The following HPSE2 variants were observed in gnomAD, a reference collection of about 807,000 sequenced individuals.
HPSE2 encodes the protein inactive heparanase-2.
Under a neutral mutation model 60.5 loss-of-function variants are expected in HPSE2, and 38 were observed. The observed-to-expected ratio is 0.63, with a 90% CI of 0.48 to 0.82. The LOEUF is 0.82. Ranked by LOEUF, HPSE2 falls within the 40% of genes least tolerant of loss-of-function variation. The pLI is 0.00. For synonymous variants in HPSE2, 295 were observed against 293.2 expected (o/e 1.01, Z -0.06); for missense variants, 713 against 740.4 (o/e 0.96, Z 0.43).
chr10:98,863,518 T>C (rs570687091), intron 3 of HPSE2, among the ~76,000 whole-genome samples: 127 of 152,280 alleles, frequency 8.3e-4, no homozygotes, highest in Non-Finnish European at 1.6e-3. Flanking sequence ...CTACCCACCC[T>C]GTCCAATGCC....
At chr10:98,538,991 C>T (rs1023321064) in intron 9 of HPSE2, among the ~76,000 whole-genome samples, 4 of 152,158 alleles carry the variant, frequency 2.6e-5, no homozygotes, top group African/African-American at 4.8e-5. Context: ...TAGCCAGCAA[C>T]GTAGGCTGGT....
At chr10:99,273,738 G>A in the HPSE2 span, among the ~76,000 whole-genome samples, 833 of 152,270 alleles carry the variant, frequency 5.5e-3, 6 homozygotes, top group African/African-American at 0.019. Flanking sequence ...GATGATGGAT[G>A]GAAAGATGGA....
At chr10:99,125,082 G>C (rs956719696) in intron 3 of HPSE2, among the ~76,000 whole-genome samples, 1 of 152,156 alleles carries the variant, frequency 6.6e-6, no homozygotes, top group East Asian at 1.9e-4. Context: ...AAGTTGAATC[G>C]GGGTATTTTG....
intron 3 of HPSE2, among the ~76,000 whole-genome samples, chr10:98,822,601 TAA>T (rs1951449587): frequency 6.6e-6 from 1 of 152,042 alleles, no homozygotes; most frequent in Non-Finnish European, 1.5e-5. Context: ...GGAAATGGAT[TAA>T]GAATTCCAAT....
intron 3 of HPSE2, among the ~76,000 whole-genome samples, chr10:98,837,613 G>A (rs1026348347): frequency 2.0e-5 from 3 of 152,148 alleles, no homozygotes; most frequent in African/African-American, 4.8e-5. Context: ...GGTGGCTCAC[G>A]CCTGTAATCC....
At chr10:98,541,293 G>A (rs543373847) in intron 9 of HPSE2, among the ~76,000 whole-genome samples, 47 of 152,076 alleles carry the variant, frequency 3.1e-4, no homozygotes, top group Non-Finnish European at 5.3e-4. Context: ...TTAAAACATC[G>A]CAATTGCCTT....
At chr10:99,243,245 C>T in the HPSE2 span, among the ~76,000 whole-genome samples, 15 of 151,650 alleles carry the variant, frequency 9.9e-5, no homozygotes, top group Non-Finnish European at 1.9e-4. Flanking sequence ...CCCAGCTACT[C>T]GGGAGGCTGA....
chr10:99,156,267 T>C (rs1846553925), intron 2 of HPSE2, among the ~76,000 whole-genome samples: 1 of 119,484 alleles, frequency 8.4e-6, no homozygotes, highest in Non-Finnish European at 1.9e-5. Flanking sequence ...AGCATCATTC[T>C]GATACCAAAG....
chr10:98,996,073 G>T (rs1363334148), intron 3 of HPSE2, among the ~76,000 whole-genome samples: 1 of 152,070 alleles, frequency 6.6e-6, no homozygotes, highest in East Asian at 1.9e-4. Context: ...TCTTGGATTG[G>T]ATCCTAAAAC....
chr10:99,037,125 T>C (rs1475874558), intron 3 of HPSE2, among the ~76,000 whole-genome samples: 3 of 152,050 alleles, frequency 2.0e-5, no homozygotes, highest in South Asian at 2.1e-4. Flanking sequence ...CAAACCCAAA[T>C]TGAGGGACGT....
chr10:98,970,148 G>A (rs1285888571), intron 3 of HPSE2, among the ~76,000 whole-genome samples: 1 of 152,108 alleles, frequency 6.6e-6, no homozygotes, highest in African/African-American at 2.4e-5. Flanking sequence ...TTTTAGTAGA[G>A]ATGGGGTTTC....
the HPSE2 span, among the ~76,000 whole-genome samples, chr10:99,252,729 T>C: frequency 6.6e-6 from 1 of 151,812 alleles, no homozygotes; most frequent in Non-Finnish European, 1.5e-5. Context: ...TACAAAAAAT[T>C]AGCTGGGCGT....
At chr10:99,140,178 T>C (rs1239172659) in intron 3 of HPSE2, among the ~76,000 whole-genome samples, 1 of 152,210 alleles carries the variant, frequency 6.6e-6, no homozygotes, top group Non-Finnish European at 1.5e-5. Flanking sequence ...GTTAATAGAA[T>C]GGGCCACAAC....
chr10:99,301,908 A>G, the HPSE2 span, among the ~76,000 whole-genome samples: 1 of 151,742 alleles, frequency 6.6e-6, no homozygotes, highest in Non-Finnish European at 1.5e-5. Flanking sequence ...TAACGTATGT[A>G]AAATTTTAAA....
chr10:98,513,762 T>C (rs1181063162), intron 9 of HPSE2, among the ~76,000 whole-genome samples: 1 of 152,218 alleles, frequency 6.6e-6, no homozygotes, highest in Non-Finnish European at 1.5e-5. Flanking sequence ...ATCATGAAAG[T>C]CTGGTATGCC....
At chr10:98,583,081 C>T (rs1944847797) in intron 9 of HPSE2, among the ~76,000 whole-genome samples, 1 of 152,106 alleles carries the variant, frequency 6.6e-6, no homozygotes, top group Non-Finnish European at 1.5e-5. Flanking sequence ...AACTGTCTTC[C>T]AAGTCCAATC....
intron 9 of HPSE2, among the ~76,000 whole-genome samples, chr10:98,592,453 G>T (rs773711003): frequency 9.2e-5 from 14 of 152,206 alleles, no homozygotes; most frequent in South Asian, 2.1e-4. Flanking sequence ...AATGTATCTG[G>T]AAAATATTTT....
chr10:99,173,753 G>A (rs991823825), intron 2 of HPSE2, among the ~76,000 whole-genome samples: 1 of 152,028 alleles, frequency 6.6e-6, no homozygotes. Flanking sequence ...AGACCAGCCT[G>A]GCCAACATGG....
chr10:98,807,154 A>T (rs920717624), intron 3 of HPSE2, among the ~76,000 whole-genome samples: 7 of 152,240 alleles, frequency 4.6e-5, no homozygotes, highest in African/African-American at 9.6e-5. Context: ...AAAATTAAAA[A>T]AATAATAATA....
Sources: gnomAD v4.1 joint callset for allele counts (sites outside exome capture counted in the v4.1 genomes callset) on GRCh38, gnomAD v4.1.1 for gene constraint, MANE v1.5 for transcripts, NCBI Gene and HGNC (gene_info 2026-07-23, HGNC 2026-07-21) for gene names.